The following SORCS1 variants were observed in gnomAD, a reference collection of about 807,000 sequenced individuals.
The protein encoded by SORCS1 is sortilin related VPS10 domain containing receptor 1, also known as VPS10 domain-containing receptor SorCS1.
In SORCS1, 60 loss-of-function variants were observed where a neutral mutation model predicts 146.1. The ratio of observed to expected loss-of-function variants is 0.41; its 90% CI spans 0.33 to 0.51. The LOEUF (loss-of-function observed/expected upper bound fraction) is 0.51. Ranked by LOEUF, SORCS1 falls within the 20% of genes least tolerant of loss-of-function variation. The pLI is 0.21. For missense variants in SORCS1, 1,352 were observed against 1,487.6 expected (o/e 0.91, Z 1.50); for synonymous variants, 637 against 584.0 (o/e 1.09, Z -1.31).
At chr10:107,084,055 C>T (rs1037516184) in intron 1 of SORCS1, among the ~76,000 whole-genome samples, 4 of 150,706 alleles carry the variant, frequency 2.7e-5, no homozygotes, top group African/African-American at 7.3e-5. Flanking sequence ...TGAATGTCCA[C>T]AGTAGGGGAA....
At chr10:106,884,453 A>G (rs1333525286) in intron 2 of SORCS1, among the ~76,000 whole-genome samples, 1 of 151,842 alleles carries the variant, frequency 6.6e-6, no homozygotes, top group African/African-American at 2.4e-5. Context: ...TTTTAAATTT[A>G]TGGACACCAT....
chr10:107,040,792 A>C (rs1959119184), intron 1 of SORCS1, among the ~76,000 whole-genome samples: 1 of 152,186 alleles, frequency 6.6e-6, no homozygotes, highest in Admixed American at 6.5e-5. Context: ...ATTAGCACTT[A>C]AAAAACTAAT....
At chr10:106,907,248 A>C (rs1373423177) in intron 2 of SORCS1, among the ~76,000 whole-genome samples, 1 of 152,210 alleles carries the variant, frequency 6.6e-6, no homozygotes, top group Non-Finnish European at 1.5e-5. Flanking sequence ...AAAGAAACTA[A>C]TGCTTAATAA....
intron 2 of SORCS1, among the ~76,000 whole-genome samples, chr10:106,927,894 C>T (rs1490419338): frequency 6.6e-6 from 1 of 152,130 alleles, no homozygotes; most frequent in Non-Finnish European, 1.5e-5. Context: ...CTCCAAGGCC[C>T]CACCAGAGTA....
intron 1 of SORCS1, among the ~76,000 whole-genome samples, chr10:107,115,550 C>T (rs533445780): frequency 4.0e-4 from 61 of 152,026 alleles, no homozygotes; most frequent in African/African-American, 9.4e-4. Context: ...AATATCCATA[C>T]GCAGAAAAAT....
At chr10:107,046,766 C>T (rs1959494297) in intron 1 of SORCS1, among the ~76,000 whole-genome samples, 1 of 152,102 alleles carries the variant, frequency 6.6e-6, no homozygotes, top group Admixed American at 6.5e-5. Context: ...CTAAAAACCT[C>T]CCAGAAAAAT....
At chr10:106,662,596 A>T (rs1397750998) in intron 17 of SORCS1, among the ~76,000 whole-genome samples, 1 of 152,152 alleles carries the variant, frequency 6.6e-6, no homozygotes, top group African/African-American at 2.4e-5. Flanking sequence ...ACTGAGCATG[A>T]GGTGACCATG....
chr10:107,021,946 G>A (rs537840377), intron 1 of SORCS1, among the ~76,000 whole-genome samples: 3 of 152,178 alleles, frequency 2.0e-5, no homozygotes, highest in Non-Finnish European at 4.4e-5. Context: ...CCAGAGAAAT[G>A]ATATTGTCAC....
intron 9 of SORCS1, among the ~76,000 whole-genome samples, chr10:106,690,018 G>A (rs1157063914): frequency 6.6e-6 from 1 of 152,166 alleles, no homozygotes; most frequent in African/African-American, 2.4e-5. Context: ...AGGAAACAAG[G>A]TGCATTCTGT....
chr10:106,601,654 G>GA (rs1016714739), intron 23 of SORCS1, among the ~76,000 whole-genome samples: 2 of 152,184 alleles, frequency 1.3e-5, no homozygotes, highest in African/African-American at 4.8e-5. Flanking sequence ...CTTCAATCAA[G>GA]AAAGGTCAAT....
intron 5 of SORCS1, among the ~76,000 whole-genome samples, chr10:106,731,898 G>A (rs529648047): frequency 6.6e-6 from 1 of 152,268 alleles, no homozygotes; most frequent in Admixed American, 6.5e-5. Flanking sequence ...GAAGTTAGGA[G>A]GAAAGGCAGG....
intron 2 of SORCS1, among the ~76,000 whole-genome samples, chr10:106,897,893 A>T (rs928449848): frequency 7.2e-5 from 11 of 152,348 alleles, no homozygotes; most frequent in African/African-American, 2.6e-4. Context: ...TTTGCTAAAC[A>T]GCATCCTGAC....
chr10:107,073,735 T>C (rs1274446866), intron 1 of SORCS1, among the ~76,000 whole-genome samples: 4 of 152,174 alleles, frequency 2.6e-5, no homozygotes, highest in Non-Finnish European at 4.4e-5. Context: ...TCCTCTGTAT[T>C]TACCTAGGCC....
At chr10:106,925,811 C>G (rs10884378) in intron 2 of SORCS1, among the ~76,000 whole-genome samples, 79,519 of 151,976 alleles carry the variant, frequency 0.52, 22,409 homozygotes, top group Non-Finnish European at 0.63. Context: ...TAGAGCCCAA[C>G]GGAGGGTCCA....
At chr10:106,924,569 G>T (rs1448247942) in intron 2 of SORCS1, among the ~76,000 whole-genome samples, 1 of 152,016 alleles carries the variant, frequency 6.6e-6, no homozygotes, top group Non-Finnish European at 1.5e-5. Context: ...AGGCAAAAGA[G>T]GAAATTGAAA....
intron 18 of SORCS1, among the ~76,000 whole-genome samples, chr10:106,631,655 G>C (rs779599061): frequency 1.3e-5 from 2 of 152,198 alleles, no homozygotes; most frequent in Non-Finnish European, 2.9e-5. Flanking sequence ...GTGAGCATCA[G>C]GCAGGGGCCA....
At chr10:106,676,290 A>C (rs1444888094) in intron 13 of SORCS1, among the ~76,000 whole-genome samples, 1 of 152,204 alleles carries the variant, frequency 6.6e-6, no homozygotes, top group Non-Finnish European at 1.5e-5. Flanking sequence ...GTCTTTATAC[A>C]TCCATCTGTG....
chr10:106,583,094 A>C (rs572170843), intron 24 of SORCS1, among the ~76,000 whole-genome samples: 2 of 152,214 alleles, frequency 1.3e-5, no homozygotes, highest in Non-Finnish European at 2.9e-5. Context: ...AGACGAAACT[A>C]GTGTTTAGTC....
At chr10:106,946,607 C>T (rs1161021050) in intron 2 of SORCS1, among the ~76,000 whole-genome samples, 1 of 152,236 alleles carries the variant, frequency 6.6e-6, no homozygotes, top group Non-Finnish European at 1.5e-5. Context: ...AACTGTGAGT[C>T]AATTAAACCT....
Sources: allele counts gnomAD v4.1 joint callset (sites outside exome capture counted in the v4.1 genomes callset), GRCh38; gene constraint gnomAD v4.1.1; transcripts MANE v1.5; gene names NCBI Gene and HGNC (gene_info 2026-07-23, HGNC 2026-07-21).